The following XPC variants were observed in gnomAD, a reference collection of about 807,000 sequenced individuals.
XPC encodes XPC complex subunit, DNA damage recognition and repair factor.
XPC carries 76 observed loss-of-function variants against 95.8 expected under a neutral mutation model. The ratio of observed to expected loss-of-function variants is 0.79; its 90% CI spans 0.66 to 0.96. The LOEUF (loss-of-function observed/expected upper bound fraction) is 0.96, where lower values mean the gene tolerates loss of function less well. Among genes scored for constraint, XPC ranks in the 40% least tolerant of loss-of-function variants. XPC has a pLI of 0.00. For synonymous variants in XPC, 442 were observed against 442.1 expected (o/e 1.00, Z 0.00); for missense variants, 1,146 against 1,179.8 (o/e 0.97, Z 0.42).
Position 14,146,104 on chromosome 3 carries a change from T to C in XPC, c.2660A>G (p.Glu887Gly). Residue 887 changes from glutamate to glycine, a missense_variant, in exon 16 of 16, where the codon GAG becomes GGG. Physicochemically the swap from Glu to Gly is moderately conservative, Grantham distance 98. Coordinates refer to ENST00000285021, the MANE Select transcript of XPC (RefSeq NM_004628.5). ...TTCTGCTTGAGAGCTGGTCCCCTCC[T>C]CTTCATCAGAAGAGAGTCCACCTCC... Reference protein sequence around the residue: ...DAGGGLSSDEEEGTSSQAEAA... With the variant: ...DAGGGLSSDEGEGTSSQAEAA... 1 of 1,611,922 alleles carries C rather than the reference T, an allele frequency of 6.2e-7. No homozygotes were observed. The highest frequency in any genetic ancestry group is 8.5e-7 in the Non-Finnish European group (1 of 1,179,370).
chr3:14,178,479 C>T lies in XPC; in HGVS notation c.90G>A (p.Glu30=), dbSNP rs372184751. Residue 30 remains glutamate (E), a synonymous_variant, in exon 1 of 16, where the codon GAG becomes GAA. Coordinates refer to ENST00000285021, the MANE Select transcript of XPC (RefSeq NM_004628.5). ...CCTCGCTCTCACCCTCCTCCTCCTC[C>T]TCACGCCGGGCCTTGCTCTTGGCCT... ...KSKAKSKARR[E]EEEEDAFEDE... is the part of the protein sequence containing the mutation. The T allele has an allele frequency of 1.2e-6, 2 of 1,610,568 alleles. No individual in the cohort carries two copies. Among genetic ancestry groups the T allele is most frequent in the South Asian group, 2.2e-5 (2 of 91,008 alleles).
At chr3:14,163,319 C>T (rs1420236290) in intron 7 of XPC, among the ~76,000 whole-genome samples, 2 of 152,186 alleles carry the variant, frequency 1.3e-5, no homozygotes, top group African/African-American at 4.8e-5. Context: ...ATTAACAACA[C>T]TCTTCACAAC....
chr3:14,170,404 C>G lies in XPC; in HGVS notation c.412+34G>C. ...AATCAAACAAAAAAACAAACAGAAC[C>G]AAACAGTTCTGAAAACAAAGAAAGA... On this transcript the variant is annotated intron_variant, in intron 3 of 15. Coordinates refer to ENST00000285021, the MANE Select transcript of XPC (RefSeq NM_004628.5). 8 of 1,590,796 alleles carry G rather than the reference C, an allele frequency of 5.0e-6. No individual in the cohort carries two copies. The Middle Eastern group carries it at 1.0e-3, about 199-fold the overall frequency.
At chr3:14,147,435 A>G in intron 14 of XPC, 56 bp from the exon 15 acceptor site, 1 of 1,498,608 alleles carries the variant, frequency 6.7e-7, no homozygotes, top group Non-Finnish European at 9.1e-7. Flanking sequence ...TTTCAGGAAA[A>G]ATATTAAGAT....
Position 14,145,740 on chromosome 3 carries a change from A to G in XPC, c.*201T>C, listed in dbSNP as rs1695396703. On this transcript the variant is annotated 3_prime_UTR_variant, in exon 16 of 16. Transcript: ENST00000285021. ...AGGCTTCACCCTGGGTGAATCTGAC[A>G]AGGGCTGGAGCCAGACGGGACCTGC... The G allele has an allele frequency of 4.1e-6, 3 of 725,950 alleles. No individual in the cohort carries two copies. The highest frequency in any genetic ancestry group is 7.3e-6 in the Non-Finnish European group (3 of 408,804). 45.0% of individuals were successfully genotyped at this position (725,950 alleles called of 1,614,324 possible).
intron 11 of XPC, among the ~76,000 whole-genome samples, chr3:14,151,170 C>G (rs566650755): frequency 2.6e-5 from 4 of 152,292 alleles, no homozygotes; most frequent in South Asian, 4.1e-4. Flanking sequence ...GGCCACTGCA[C>G]ACCTGAAACG....
intron 1 of XPC, among the ~76,000 whole-genome samples, chr3:14,175,325 C>T (rs895685973): frequency 6.6e-6 from 1 of 152,148 alleles, no homozygotes; most frequent in Admixed American, 6.6e-5. Flanking sequence ...CTCCCCCAGC[C>T]CCATATAAGT....
intron 14 of XPC, 85 bp downstream of exon 14, chr3:14,147,823 C>T (rs950520356): frequency 9.6e-6 from 12 of 1,249,902 alleles, no homozygotes; most frequent in African/African-American, 3.0e-5. Context: ...TGGGAGCACA[C>T]GGAGGCGGCC....
chr3:14,169,238 TG>T (rs1696513907), intron 3 of XPC, among the ~76,000 whole-genome samples: 1 of 152,246 alleles, frequency 6.6e-6, no homozygotes, highest in South Asian at 2.1e-4. Context: ...ACATTAGAGG[TG>T]GCTTAATCAA....
intron 3 of XPC, 88 bp downstream of exon 3, chr3:14,170,350 A>G: frequency 7.2e-6 from 9 of 1,245,670 alleles, no homozygotes; most frequent in Non-Finnish European, 1.1e-5. Context: ...AAACAAAAGG[A>G]TTGCAATTAG....
In XPC at chr3:14,148,187, TCCTC is replaced by T. The variant is rs926233571; in HGVS notation, c.2421-190_2421-187del. The T allele has an allele frequency of 1.5e-5, 9 of 599,176 alleles. No homozygotes were observed. The African/African-American group carries it at 1.7e-4, about 11-fold the overall frequency. The allele number at this position is 599,176 out of a possible 1,614,324, so 37.1% of individuals were successfully genotyped here. Reference sequence around the variant, plus strand: ...GCCTGTGGAAGCTGGCACTGCCTCTTCCTCCCCAGATTCTGCCGAAGAAAGCTGG... The same window carrying T: ...GCCTGTGGAAGCTGGCACTGCCTCTTCCCAGATTCTGCCGAAGAAAGCTGG... On this transcript the variant is annotated intron_variant, in intron 13 of 15. Transcript: ENST00000285021.
Position 14,145,159 on chromosome 3 carries a change from C to A in XPC, c.*782G>T. The A allele has an allele frequency of 2.0e-6, 1 of 492,766 alleles. No homozygotes were observed. Among genetic ancestry groups the A allele is most frequent in the Admixed American group, 3.7e-5 (1 of 27,108 alleles). 30.5% of individuals were successfully genotyped at this position (492,766 alleles called of 1,614,324 possible). ...ATAGAGCCAAATCTTTAGATAAATG[C>A]TTTATTATTTTCTCAAAATGTTATA... On this transcript the variant is annotated 3_prime_UTR_variant, in exon 16 of 16. Transcript: ENST00000285021.
At position 14,158,367 on chromosome 3, in the gene XPC, T is replaced by A. The variant is rs1267346608; in HGVS notation, c.1516A>T (p.Ser506Cys). Reference protein sequence around the residue: ...SLPAASSSSSSSKRGKKMCSD... With the variant: ...SLPAASSSSSCSKRGKKMCSD... ...CACATTTTCTTGCCTCTTTTACTGC[T>A]TGAAGAGCTTGAGGATGCCGCTGGC... Residue 506 changes from serine to cysteine, a missense_variant, in exon 9 of 16, where the codon AGC becomes TGC. Ser to Cys is a moderately radical substitution (Grantham distance 112, BLOSUM62 -1). Coordinates refer to ENST00000285021, the MANE Select transcript of XPC (RefSeq NM_004628.5). This position sits in a 1 kb window ranked among gnomAD's most constrained non-coding sequence, Gnocchi z 5.2. 1 of 1,613,936 alleles carries A rather than the reference T, an allele frequency of 6.2e-7. No individual in the cohort carries two copies. Among genetic ancestry groups the A allele is most frequent in the African/African-American group, 1.3e-5 (1 of 75,032 alleles).
At position 14,157,942 on chromosome 3, in the gene XPC, G is replaced by C; in HGVS notation, c.1872+69C>G. 5 of 1,522,258 alleles carry C rather than the reference G, an allele frequency of 3.3e-6. No individual in the cohort carries two copies. The South Asian group carries it at 6.5e-5, about 20-fold the overall frequency. 94.3% of individuals were successfully genotyped at this position (1,522,258 alleles called of 1,614,324 possible). On this transcript the variant is annotated intron_variant, in intron 9 of 15. Coordinates refer to ENST00000285021, the MANE Select transcript of XPC (RefSeq NM_004628.5). ...CAACATAGTGCTGGGCATATATAAG[G>C]TGCTCAAAAACAGGAATAATTTTAA... is the stretch of plus-strand genomic sequence containing the variant.
At position 14,160,720 on chromosome 3, in the gene XPC, G is replaced by A. The variant is rs150881459; in HGVS notation, c.901-890C>T. Among the ~76,000 whole-genome samples the A allele has an allele frequency of 2.8e-3, 433 of 152,320 alleles. 4 individuals carry two copies. The highest frequency in any genetic ancestry group is 9.9e-3 in the African/African-American group (410 of 41,568). ...AGAAAAAGGATATCAGTGAGAAAAC[G>A]TGGAAAATCCAAATAATGTCTGTAG... is the stretch of plus-strand genomic sequence containing the variant. On this transcript the variant is annotated intron_variant, in intron 7 of 15. Transcript: ENST00000285021.
intron 10 of XPC, among the ~76,000 whole-genome samples, chr3:14,154,840 A>G (rs1270927136): frequency 8.2e-4 from 19 of 23,204 alleles, no homozygotes; most frequent in Non-Finnish European, 6.4e-4. Flanking sequence ...ATAAATATAT[A>G]TAATTTATAA....
intron 2 of XPC, among the ~76,000 whole-genome samples, chr3:14,171,039 A>G (rs1490449743): frequency 1.3e-5 from 2 of 152,228 alleles, no homozygotes; most frequent in Non-Finnish European, 2.9e-5. Context: ...GCAGGGATGT[A>G]ACTACACATA....
At position 14,163,057 on chromosome 3, in the gene XPC, G is replaced by GAGGT. The variant is rs1157613025; in HGVS notation, c.900+1752_900+1755dup. 4.6e-5 allele frequency among the ~76,000 whole-genome samples: 7 copies of GAGGT among 152,288 alleles called. No individual in the cohort carries two copies. In the East Asian group the frequency reaches 1.4e-3, roughly 29 times the overall value. On this transcript the variant is annotated intron_variant, in intron 7 of 15. Coordinates refer to ENST00000285021, the MANE Select transcript of XPC (RefSeq NM_004628.5). ...GGAGAAATGCTATCAAAACCACAAT[G>GAGGT]AGGTATCACTTGACACCCATCATAA...
At chr3:14,165,636 AG>A (rs780407511) in intron 5 of XPC, 51 bp from the exon 6 acceptor site, 1 of 1,598,752 alleles carries the variant, frequency 6.3e-7, no homozygotes, top group Non-Finnish European at 8.5e-7. Context: ...GCCGGACACC[AG>A]GAGGAATTTT....
Sources: gnomAD v4.1 joint callset for allele counts (sites outside exome capture counted in the v4.1 genomes callset) on GRCh38, gnomAD v4.1.1 for gene constraint, Gnocchi (gnomAD v3.1) non-coding constraint, MANE v1.5 for transcripts, NCBI Gene and HGNC (gene_info 2026-07-23, HGNC 2026-07-21) for gene names.